XRN2: variants seen among roughly 807,000 people sequenced by gnomAD.
The protein encoded by XRN2 is DHM1-like protein.
A neutral mutation model predicts 138.5 loss-of-function variants in XRN2; 44 were observed. That is an observed-to-expected ratio of 0.32 (90% CI 0.25 to 0.41). The LOEUF is 0.41. Ranked by LOEUF, XRN2 falls within the 10% of genes least tolerant of loss-of-function variation. XRN2 has a pLI of 1.00. For synonymous variants in XRN2, 354 were observed against 369.4 expected, an observed-to-expected ratio of 0.96 and a Z score of 0.48; for missense variants, 937 against 1,169.3, an observed-to-expected ratio of 0.80 and a Z score of 2.90.
intron 23 of XRN2, among the ~76,000 whole-genome samples, chr20:21,357,415 T>C (rs542023063): frequency 1.3e-5 from 2 of 152,322 alleles, no homozygotes; most frequent in South Asian, 4.1e-4. Context: ...GTGAGAGATC[T>C]TGTTGCTCTA....
intron 20 of XRN2, among the ~76,000 whole-genome samples, chr20:21,351,686 C>G (rs979582414): frequency 6.6e-6 from 1 of 152,072 alleles, no homozygotes; most frequent in Admixed American, 6.5e-5. Flanking sequence ...AATCTTTTTT[C>G]CTATGTCTGC....
chr20:21,341,974 C>G (rs1322158273), intron 15 of XRN2, among the ~76,000 whole-genome samples: 2 of 151,988 alleles, frequency 1.3e-5, no homozygotes, highest in Admixed American at 6.6e-5. Flanking sequence ...GACTGTAGAT[C>G]GATAACATCT....
chr20:21,344,509 C>T (rs966080209), intron 16 of XRN2, among the ~76,000 whole-genome samples: 1 of 152,114 alleles, frequency 6.6e-6, no homozygotes, highest in African/African-American at 2.4e-5. Context: ...TTAGCTCTGA[C>T]TATGTGATCT....
At chr20:21,320,271 T>TTATG (rs1555783264) in intron 1 of XRN2, among the ~76,000 whole-genome samples, 4 of 146,248 alleles carry the variant, frequency 2.7e-5, no homozygotes, top group Admixed American at 6.7e-5. Flanking sequence ...CATCATTTAT[T>TTATG]TATTTATGTA....
intron 26 of XRN2, among the ~76,000 whole-genome samples, chr20:21,366,193 TTATAGTTTATATATATAA>T (rs1273368688): frequency 1.6e-5 from 2 of 128,878 alleles, no homozygotes; most frequent in African/African-American, 2.9e-5. Flanking sequence ...TATATTATAT[TTATAGTTTATATATATAA>T]TATAGTTTAT....
intron 16 of XRN2, among the ~76,000 whole-genome samples, chr20:21,346,076 T>C (rs147042502): frequency 7.2e-4 from 110 of 152,320 alleles, no homozygotes; most frequent in Middle Eastern, 3.4e-3. Flanking sequence ...AATCTTAAAA[T>C]GTAGCTTTAG....
chr20:21,328,787 T>G, intron 4 of XRN2, 117 bp downstream of exon 4: 25 of 830,722 alleles, frequency 3.0e-5, no homozygotes, highest in Non-Finnish European at 4.4e-5. Context: ...GATCCCAGAA[T>G]ATCCAGTGTT....
At chr20:21,326,990 G>T (rs1210989188) in intron 3 of XRN2, among the ~76,000 whole-genome samples, 1 of 152,170 alleles carries the variant, frequency 6.6e-6, no homozygotes, top group East Asian at 1.9e-4. Context: ...GGTGACTTTT[G>T]TTCCATTTCT....
chr20:21,318,735 A>G (rs2037995697), intron 1 of XRN2, among the ~76,000 whole-genome samples: 1 of 151,824 alleles, frequency 6.6e-6, no homozygotes, highest in African/African-American at 2.4e-5. Context: ...TGTGTTGTTT[A>G]ATTTCCACAT....
intron 1 of XRN2, among the ~76,000 whole-genome samples, chr20:21,317,421 T>C (rs1405600246): frequency 6.6e-6 from 1 of 152,174 alleles, no homozygotes; most frequent in Non-Finnish European, 1.5e-5. Flanking sequence ...GGTTTTTGGA[T>C]GTTCAACTAA....
chr20:21,324,724 C>T (rs2038099931), intron 1 of XRN2, among the ~76,000 whole-genome samples: 1 of 152,212 alleles, frequency 6.6e-6, no homozygotes, highest in Non-Finnish European at 1.5e-5. Context: ...GCCTTGAACT[C>T]CTGGCCTCAA....
intron 6 of XRN2, among the ~76,000 whole-genome samples, chr20:21,330,922 T>C (rs1016908334): frequency 6.6e-6 from 1 of 152,166 alleles, no homozygotes; most frequent in Non-Finnish European, 1.5e-5. Context: ...TTTGTCCTCT[T>C]ACCATCACTA....
intron 28 of XRN2, among the ~76,000 whole-genome samples, chr20:21,382,668 T>TA (rs1174503982): frequency 1.3e-5 from 2 of 152,234 alleles, no homozygotes; most frequent in Admixed American, 6.5e-5. Context: ...GTCTAATAAG[T>TA]ACCATGGACT....
intron 28 of XRN2, among the ~76,000 whole-genome samples, chr20:21,385,557 G>A (rs980543673): frequency 6.6e-6 from 1 of 152,102 alleles, no homozygotes; most frequent in Non-Finnish European, 1.5e-5. Context: ...TTAGAGCTCT[G>A]GTTTCAGCTA....
chr20:21,374,370 T>G (rs376523501), intron 27 of XRN2, among the ~76,000 whole-genome samples: 1 of 152,168 alleles, frequency 6.6e-6, no homozygotes, highest in African/African-American at 2.4e-5. Flanking sequence ...ATAGAAGTGA[T>G]GATGGTAGAT....
intron 24 of XRN2, among the ~76,000 whole-genome samples, chr20:21,363,877 G>T (rs1429797411): frequency 6.6e-6 from 1 of 152,164 alleles, no homozygotes; most frequent in Non-Finnish European, 1.5e-5. Context: ...TGATGAATAT[G>T]TCTAGTCTGT....
At chr20:21,355,635 T>G (rs906079095) in intron 21 of XRN2, among the ~76,000 whole-genome samples, 2 of 152,140 alleles carry the variant, frequency 1.3e-5, no homozygotes, top group African/African-American at 4.8e-5. Context: ...TTTTGAAACT[T>G]TTTTGTTAAA....
chr20:21,326,912 A>G (rs1053893393), intron 3 of XRN2, among the ~76,000 whole-genome samples: 4 of 152,214 alleles, frequency 2.6e-5, no homozygotes, highest in African/African-American at 4.8e-5. Context: ...TAAGCACTAG[A>G]TAATACATGC....
chr20:21,356,089 A>G lies in XRN2; in HGVS notation c.2030A>G (p.Asn677Ser). The change falls in exon 22 of 30, where the codon AAC (asparagine) becomes AGC (serine). Residue 677 changes from asparagine (N) to serine (S), a missense_variant. Transcript: ENST00000377191. ...PDLTPEETRR[N>S]SLGGDVLFVG... ...TTTTCTTTCTCCCTAGCCAGAAGAAACAGCCTTGGAGGTGATGTCTTATTT... is the reference window on the plus strand; with the variant it reads ...TTTTCTTTCTCCCTAGCCAGAAGAAGCAGCCTTGGAGGTGATGTCTTATTT... 1 of 1,608,830 alleles carries G rather than the reference A, an allele frequency of 6.2e-7. No individual in the cohort carries two copies. Among genetic ancestry groups the G allele is most frequent in the Non-Finnish European group, 8.5e-7 (1 of 1,177,358 alleles).
Sources: gnomAD v4.1 joint callset for allele counts (sites outside exome capture counted in the v4.1 genomes callset) on GRCh38, gnomAD v4.1.1 for gene constraint, MANE v1.5 for transcripts, NCBI Gene and HGNC (gene_info 2026-07-23, HGNC 2026-07-21) for gene names.